The following PPP1R9A variants were observed in gnomAD, a reference collection of about 807,000 sequenced individuals.
PPP1R9A encodes neurabin-1.
In PPP1R9A, 59 loss-of-function variants were observed where a neutral mutation model predicts 141.9. That is an observed-to-expected ratio of 0.42 (90% CI 0.34 to 0.52). The LOEUF is 0.52. Among genes scored for constraint, PPP1R9A ranks in the 20% least tolerant of loss-of-function variants. The pLI is 0.10. For missense variants in PPP1R9A, 1,444 were observed against 1,611.9 expected, an observed-to-expected ratio of 0.90 and a Z score of 1.78; for synonymous variants, 500 against 569.7, an observed-to-expected ratio of 0.88 and a Z score of 1.74.
intron 2 of PPP1R9A, among the ~76,000 whole-genome samples, chr7:94,959,240 A>G (rs1348917411): frequency 6.6e-6 from 1 of 151,880 alleles, no homozygotes; most frequent in Non-Finnish European, 1.5e-5. Flanking sequence ...AGTCACTTCT[A>G]AAACCTGTCA....
chr7:94,962,673 A>T (rs1200918055), intron 2 of PPP1R9A, among the ~76,000 whole-genome samples: 5 of 152,134 alleles, frequency 3.3e-5, no homozygotes, highest in Non-Finnish European at 5.9e-5. Context: ...ACATTAAAAA[A>T]TACATTGAAA....
intron 2 of PPP1R9A, among the ~76,000 whole-genome samples, chr7:95,109,687 T>G (rs926175119): frequency 1.3e-5 from 2 of 151,938 alleles, no homozygotes; most frequent in African/African-American, 2.4e-5. Context: ...AAAAAAAATT[T>G]TTTTTAATTA....
At chr7:95,261,735 C>T (rs766037604) in intron 12 of PPP1R9A, among the ~76,000 whole-genome samples, 15 of 152,154 alleles carry the variant, frequency 9.9e-5, no homozygotes, top group East Asian at 5.8e-4. Flanking sequence ...AAAAATTTAA[C>T]GATACATTTA....
rs147455402 is a variant in PPP1R9A at position 94,968,418 on chromosome 7, C to T, written c.1395+56910C>T. 6.9e-3 allele frequency among the ~76,000 whole-genome samples: 1,044 copies of T among 152,184 alleles called. 7 individuals carry two copies. The highest frequency in any genetic ancestry group is 0.01 in the Non-Finnish European group (708 of 68,026). On this transcript the variant is annotated intron_variant, in intron 2 of 19. Coordinates refer to ENST00000433360, the MANE Select transcript of PPP1R9A (RefSeq NM_001166160.2). ...CGATCTCCTGACCTCGTGATCCACC[C>T]GCCTCGGCCTCCCAAAGTGCTGGGA...
chr7:94,975,113 G>A (rs1584466688), intron 2 of PPP1R9A, among the ~76,000 whole-genome samples: 1 of 152,032 alleles, frequency 6.6e-6, no homozygotes, highest in Non-Finnish European at 1.5e-5. Context: ...AAAATACTGT[G>A]TTGCAGTCTT....
At chr7:95,259,474 C>T (rs1035504598) in intron 12 of PPP1R9A, among the ~76,000 whole-genome samples, 1 of 152,150 alleles carries the variant, frequency 6.6e-6, no homozygotes, top group African/African-American at 2.4e-5. Flanking sequence ...ATCAGCCAGA[C>T]ATTTATATCC....
At chr7:95,227,268 G>A (rs1408373752) in intron 8 of PPP1R9A, among the ~76,000 whole-genome samples, 1 of 152,206 alleles carries the variant, frequency 6.6e-6, no homozygotes, top group Non-Finnish European at 1.5e-5. Context: ...CCTGGCGAAA[G>A]CCTATAATAC....
Position 95,100,844 on chromosome 7 carries a change from A to ATTTTT in PPP1R9A, c.1396-10393_1396-10389dup, listed in dbSNP as rs34210406. 5.7e-5 allele frequency among the ~76,000 whole-genome samples: 4 copies of ATTTTT among 70,164 alleles called. No homozygotes were observed. In the South Asian group the frequency reaches 2.9e-3, roughly 51 times the overall value. 46.0% of individuals were successfully genotyped at this position (70,164 alleles called of 152,430 possible). A position where few individuals can be genotyped will look rare whatever the true frequency, so the allele number is the denominator to read the frequency against. On this transcript the variant is annotated intron_variant, in intron 2 of 19. Coordinates refer to ENST00000433360, the MANE Select transcript of PPP1R9A (RefSeq NM_001166160.2). ...GACACATCCCCAGGTTCTTTGTCTG[A>ATTTTT]TTTTTTTTTTTTTTTTTTTTTTTTT...
chr7:95,153,208 G>T (rs1489641405), intron 4 of PPP1R9A, among the ~76,000 whole-genome samples: 1 of 152,068 alleles, frequency 6.6e-6, no homozygotes, highest in Non-Finnish European at 1.5e-5. Context: ...TCATTAACAT[G>T]ATATAAAATC....
intron 2 of PPP1R9A, among the ~76,000 whole-genome samples, chr7:95,040,067 C>A (rs979488283): frequency 1.3e-5 from 2 of 152,018 alleles, no homozygotes; most frequent in Non-Finnish European, 2.9e-5. Flanking sequence ...TATAGAGGAA[C>A]GAGGATCAGA....
At chr7:94,912,375 TG>T (rs1215728032) in intron 2 of PPP1R9A, among the ~76,000 whole-genome samples, 1 of 152,082 alleles carries the variant, frequency 6.6e-6, no homozygotes, top group Non-Finnish European at 1.5e-5. Flanking sequence ...TCTCCTGGGG[TG>T]CTTTTTCAAA....
intron 2 of PPP1R9A, among the ~76,000 whole-genome samples, chr7:95,072,514 C>T (rs922081020): frequency 5.7e-5 from 8 of 141,412 alleles, no homozygotes; most frequent in African/African-American, 2.1e-4. Context: ...AACTAAGTCA[C>T]CATACTTAGA....
chr7:95,268,733 T>C, intron 13 of PPP1R9A, 26 bp downstream of exon 13: 1 of 1,608,040 alleles, frequency 6.2e-7, no homozygotes, highest in Non-Finnish European at 8.5e-7. Context: ...CGTTTCCTGA[T>C]TTGTACTGTT....
chr7:94,958,682 T>G (rs1797310060), intron 2 of PPP1R9A, among the ~76,000 whole-genome samples: 1 of 152,056 alleles, frequency 6.6e-6, no homozygotes, highest in Non-Finnish European at 1.5e-5. Flanking sequence ...AATGTTAAAT[T>G]AAGCTTTGAG....
rs1396874693 is a variant in PPP1R9A, at chr7:95,073,167, G to C, written c.1396-38092G>C. Among the ~76,000 whole-genome samples the C allele has an allele frequency of 4.6e-5, 7 of 150,632 alleles. No homozygotes were observed. In the Admixed American group the frequency reaches 4.7e-4, roughly 10 times the overall value. ...CACCCAGCTAATTTTTGTATTTTTT[G>C]TAGAGACAGGGTTTCACCATGTTGG... On this transcript the variant is annotated intron_variant, in intron 2 of 19. Coordinates refer to ENST00000433360, the MANE Select transcript of PPP1R9A (RefSeq NM_001166160.2).
At position 95,151,733 on chromosome 7, in the gene PPP1R9A, C is replaced by A. The variant is rs927116814; in HGVS notation, c.1650-10134C>A. 2.0e-5 allele frequency among the ~76,000 whole-genome samples: 3 copies of A among 150,674 alleles called. No homozygotes were observed. The East Asian group carries it at 5.8e-4, about 29-fold the overall frequency. ...GATGGGGGGAGACTGTGCATGTGTG[C>A]AGACAGGATCTATAGAGAAGCTCTC... On this transcript the variant is annotated intron_variant, in intron 4 of 19. Coordinates refer to ENST00000433360, the MANE Select transcript of PPP1R9A (RefSeq NM_001166160.2).
In PPP1R9A at chr7:95,167,891, A is replaced by G. The variant is rs142665179; in HGVS notation, c.1754+5920A>G. Among the ~76,000 whole-genome samples, 1,159 of 152,308 alleles carry G rather than the reference A, an allele frequency of 7.6e-3. 28 individuals are homozygous for G. Among genetic ancestry groups the G allele is most frequent in the Admixed American group, 0.041 (620 of 15,288 alleles). Reference sequence around the variant, plus strand: ...AAAACTACAAACACTGATGAAAAAAATTGAAGAGGACACAAACAAAACAAA... The same window carrying G: ...AAAACTACAAACACTGATGAAAAAAGTTGAAGAGGACACAAACAAAACAAA... On this transcript the variant is annotated intron_variant, in intron 5 of 19. Transcript: ENST00000433360.
chr7:95,066,863 C>T (rs769506002), intron 2 of PPP1R9A, among the ~76,000 whole-genome samples: 1 of 152,062 alleles, frequency 6.6e-6, no homozygotes, highest in Non-Finnish European at 1.5e-5. Flanking sequence ...ATTAAATGTG[C>T]AATAAAGAAG....
chr7:95,253,300 A>G (rs1799142725), intron 12 of PPP1R9A, among the ~76,000 whole-genome samples: 1 of 152,150 alleles, frequency 6.6e-6, no homozygotes, highest in African/African-American at 2.4e-5. Flanking sequence ...TTTTTTCGTG[A>G]TCTTTCTCAC....
Sources: gnomAD v4.1 joint callset for allele counts (sites outside exome capture counted in the v4.1 genomes callset) on GRCh38, gnomAD v4.1.1 for gene constraint, MANE v1.5 for transcripts, NCBI Gene and HGNC (gene_info 2026-07-23, HGNC 2026-07-21) for gene names.